Variants in RANBP2 observed in about 807,000 individuals in gnomAD.
RANBP2 encodes E3 SUMO-protein ligase RanBP2.
In RANBP2, 57 loss-of-function variants were observed where a neutral mutation model predicts 303.6. That is an observed-to-expected ratio of 0.19 (90% confidence interval 0.15 to 0.23). The LOEUF is 0.23. RANBP2 is among the 10% of genes least tolerant of loss of function. The pLI is 1.00. For synonymous variants in RANBP2, 1,167 were observed against 1,301.5 expected, an observed-to-expected ratio of 0.90 and a Z score of 2.23; for missense variants, 3,138 against 3,780.8, an observed-to-expected ratio of 0.83 and a Z score of 4.46.
the RANBP2 span, chr2:109,737,526 G>C: frequency 1.8e-6 from 1 of 551,704 alleles, no homozygotes; most frequent in African/African-American, 1.9e-5. Flanking sequence ...CACCATGGCA[G>C]TAGTGGAGGC....
chr2:109,080,682 A>G, the RANBP2 span, among the ~76,000 whole-genome samples: 1 of 152,120 alleles, frequency 6.6e-6, no homozygotes, highest in African/African-American at 2.4e-5. Context: ...TTATTTTAGT[A>G]TCTATGAAGG....
the RANBP2 span, among the ~76,000 whole-genome samples, chr2:109,438,908 C>T: frequency 6.6e-6 from 1 of 152,200 alleles, no homozygotes; most frequent in South Asian, 2.1e-4. Flanking sequence ...CTCATCCAAT[C>T]AGCCCGGTGT....
chr2:109,708,773 C>T, the RANBP2 span, among the ~76,000 whole-genome samples: 31 of 151,954 alleles, frequency 2.0e-4, no homozygotes, highest in African/African-American at 6.8e-4. Context: ...GTCAGGGGTT[C>T]GAGACCAGCC....
chr2:109,268,742 T>A, the RANBP2 span, among the ~76,000 whole-genome samples: 1 of 150,174 alleles, frequency 6.7e-6, no homozygotes, highest in Non-Finnish European at 1.5e-5. Flanking sequence ...TACTTTATTA[T>A]AAAAAAAAAA....
the RANBP2 span, among the ~76,000 whole-genome samples, chr2:109,448,646 C>T: frequency 1.3e-5 from 2 of 152,218 alleles, no homozygotes; most frequent in African/African-American, 2.4e-5. Flanking sequence ...GGAAAATAAG[C>T]TCAGGGGTCC....
chr2:109,091,905 C>T, the RANBP2 span, among the ~76,000 whole-genome samples: 3 of 152,090 alleles, frequency 2.0e-5, no homozygotes, highest in Non-Finnish European at 2.9e-5. Context: ...GCTCCACCAC[C>T]GAGTGTCATC....
chr2:108,749,694 GGATTCTCTTGCCTCAGCCTCCT>G (rs1427352475), intron 9 of RANBP2, among the ~76,000 whole-genome samples: 2 of 152,160 alleles, frequency 1.3e-5, no homozygotes, highest in African/African-American at 4.8e-5. Context: ...TGGGCTCAAG[GGATTCTCTTGCCTCAGCCTCCT>G]GAGTAGCTGG....
At chr2:109,137,129 T>G in the RANBP2 span, among the ~76,000 whole-genome samples, 6 of 152,236 alleles carry the variant, frequency 3.9e-5, no homozygotes, top group African/African-American at 1.4e-4. Context: ...GAGGAAAACA[T>G]GTGTCTATAT....
chr2:109,284,924 CAG>C, the RANBP2 span, among the ~76,000 whole-genome samples: 1 of 152,228 alleles, frequency 6.6e-6, no homozygotes, highest in Non-Finnish European at 1.5e-5. Flanking sequence ...TCCCTGATGA[CAG>C]AGTTTGGGAA....
At chr2:109,599,605 A>G in the RANBP2 span, among the ~76,000 whole-genome samples, 13 of 152,138 alleles carry the variant, frequency 8.5e-5, no homozygotes, top group Admixed American at 7.2e-4. Flanking sequence ...GTCCAATCCC[A>G]GCAAAATAGC....
the RANBP2 span, among the ~76,000 whole-genome samples, chr2:109,435,478 G>C: frequency 1.3e-5 from 2 of 152,206 alleles, no homozygotes; most frequent in Non-Finnish European, 2.9e-5. Flanking sequence ...GTGCTAGGAG[G>C]CCCTGAAGTG....
the RANBP2 span, chr2:108,878,366 A>G: frequency 3.3e-5 from 7 of 212,122 alleles, no homozygotes; most frequent in South Asian, 8.7e-5. Flanking sequence ...CAAAAGCAAA[A>G]TTGTCTCATT....
rs780938376 is a variant in RANBP2 at position 108,782,159 on chromosome 2, A to C, written c.8792A>C (p.Glu2931Ala). 1.9e-6 allele frequency: 3 copies of C among 1,614,156 alleles called. No homozygotes were observed. The highest frequency in any genetic ancestry group is 2.5e-6 in the Non-Finnish European group (3 of 1,179,998). ...VEVKSGEEDE[E>A]ILFKERAKLY... ...GTAAAATCTGGAGAAGAAGATGAAG[A>C]AATTTTGTTTAAAGAGAGAGCCAAA... The change falls in exon 27 of 29, where the codon GAA becomes GCA. Residue 2931 changes from glutamate (E) to alanine (A), a missense_variant. Physicochemically the swap from Glu to Ala is moderately radical, Grantham distance 107 (BLOSUM62 -1). Transcript: ENST00000283195.
At chr2:109,087,203 G>T in the RANBP2 span, among the ~76,000 whole-genome samples, 5,078 of 152,272 alleles carry the variant, frequency 0.033, 120 homozygotes, top group Middle Eastern at 0.054. Flanking sequence ...CGTGGCCATT[G>T]CAGGACATTC....
chr2:109,400,372 A>G, the RANBP2 span, among the ~76,000 whole-genome samples: 1 of 152,122 alleles, frequency 6.6e-6, no homozygotes, highest in African/African-American at 2.4e-5. Flanking sequence ...ATCCACATGC[A>G]CACCTACACA....
chr2:109,362,454 A>G, the RANBP2 span, among the ~76,000 whole-genome samples: 8 of 152,070 alleles, frequency 5.3e-5, no homozygotes, highest in Non-Finnish European at 8.8e-5. Flanking sequence ...ATTTGTTTAA[A>G]TTTGTTAAGG....
At chr2:109,184,168 G>A in the RANBP2 span, among the ~76,000 whole-genome samples, 1 of 152,156 alleles carries the variant, frequency 6.6e-6, no homozygotes, top group Non-Finnish European at 1.5e-5. Context: ...CTGGCCCTGT[G>A]ATGCTTGGGT....
chr2:108,988,354 G>A, the RANBP2 span, among the ~76,000 whole-genome samples: 5 of 152,196 alleles, frequency 3.3e-5, no homozygotes, highest in South Asian at 2.1e-4. Context: ...CCCACCCCAC[G>A]GTCTGTCAGA....
chr2:109,364,910 G>C, the RANBP2 span, among the ~76,000 whole-genome samples: 1 of 152,168 alleles, frequency 6.6e-6, no homozygotes, highest in Non-Finnish European at 1.5e-5. Context: ...GGCCAACATG[G>C]TGAAACCTTG....
Sources: gnomAD v4.1 joint callset for allele counts (sites outside exome capture counted in the v4.1 genomes callset) on GRCh38, gnomAD v4.1.1 for gene constraint, MANE v1.5 for transcripts, NCBI Gene and HGNC (gene_info 2026-07-23, HGNC 2026-07-21) for gene names.